EPHA3: variants seen among roughly 807,000 people sequenced by gnomAD.
The protein encoded by EPHA3 is EPH receptor A3, also known as ephrin type-A receptor 3.
Under a neutral mutation model 107.1 loss-of-function variants are expected in EPHA3, and 42 were observed. The ratio of observed to expected loss-of-function variants is 0.39; its 90% CI spans 0.31 to 0.51. EPHA3 has a LOEUF of 0.51. Ranked by LOEUF, EPHA3 falls within the 20% of genes least tolerant of loss-of-function variation. EPHA3 has a pLI of 0.78. For missense variants in EPHA3, 1,183 were observed against 1,211.2 expected (o/e 0.98, Z 0.35); for synonymous variants, 461 against 424.8 (o/e 1.09, Z -1.05).
intron 2 of EPHA3, among the ~76,000 whole-genome samples, chr3:89,180,832 G>A (rs1391099290): frequency 6.6e-6 from 1 of 151,852 alleles, no homozygotes; most frequent in African/African-American, 2.4e-5. Context: ...AGTGCATATG[G>A]GACTACTCTG....
At chr3:89,173,982 T>C (rs982487688) in intron 2 of EPHA3, among the ~76,000 whole-genome samples, 1 of 151,952 alleles carries the variant, frequency 6.6e-6, no homozygotes, top group African/African-American at 2.4e-5. Context: ...CACGTGTGTC[T>C]TTTGGGACAT....
At chr3:89,310,579 C>T (rs1706741443) in intron 3 of EPHA3, among the ~76,000 whole-genome samples, 1 of 151,620 alleles carries the variant, frequency 6.6e-6, no homozygotes, top group Non-Finnish European at 1.5e-5. Context: ...ACCTATTCAC[C>T]TCTCCAAAAA....
At chr3:89,265,279 T>A (rs17800347) in intron 3 of EPHA3, among the ~76,000 whole-genome samples, 1 of 151,968 alleles carries the variant, frequency 6.6e-6, no homozygotes, top group African/African-American at 2.4e-5. Context: ...TATTTAGAGA[T>A]GCATCAAGAA....
intron 15 of EPHA3, among the ~76,000 whole-genome samples, chr3:89,457,705 G>A (rs1710127513): frequency 6.6e-6 from 1 of 152,194 alleles, no homozygotes. Context: ...GGGAGACACT[G>A]AAGTTACTGA....
chr3:89,196,612 A>G (rs1231300795), intron 2 of EPHA3, among the ~76,000 whole-genome samples: 2 of 148,140 alleles, frequency 1.4e-5, no homozygotes, highest in African/African-American at 2.7e-5. Context: ...GCCTTTTTCC[A>G]TATCATTTCA....
intron 15 of EPHA3, among the ~76,000 whole-genome samples, chr3:89,460,923 C>T (rs201843797): frequency 0.016 from 2,034 of 124,728 alleles, 56 homozygotes; most frequent in Admixed American, 0.15. Context: ...TGCGCTGCAC[C>T]CACTAATGTG....
At chr3:89,121,975 A>T (rs1707400622) in intron 1 of EPHA3, among the ~76,000 whole-genome samples, 1 of 152,184 alleles carries the variant, frequency 6.6e-6, no homozygotes, top group African/African-American at 2.4e-5. Context: ...CTATCAGAAA[A>T]TATAGGTCGA....
At chr3:89,468,538 G>A (rs1276032369) in intron 15 of EPHA3, among the ~76,000 whole-genome samples, 1 of 152,140 alleles carries the variant, frequency 6.6e-6, no homozygotes, top group African/African-American at 2.4e-5. Context: ...AAATAAAAAA[G>A]TATTACTATT....
intron 7 of EPHA3, chr3:89,399,764 T>G: frequency 8.6e-7 from 1 of 1,167,130 alleles, no homozygotes; most frequent in Middle Eastern, 3.5e-4. Context: ...TTGAGGAACA[T>G]TATTTAATAT....
intron 3 of EPHA3, among the ~76,000 whole-genome samples, chr3:89,332,437 C>T (rs1268211222): frequency 6.6e-6 from 1 of 152,020 alleles, no homozygotes; most frequent in Non-Finnish European, 1.5e-5. Context: ...TGGCATTTTG[C>T]CTTAGGCCTT....
intron 2 of EPHA3, among the ~76,000 whole-genome samples, chr3:89,200,602 G>A (rs1705946277): frequency 6.6e-6 from 1 of 152,190 alleles, no homozygotes; most frequent in Non-Finnish European, 1.5e-5. Flanking sequence ...AAATGAGGCA[G>A]AGACACATTG....
In EPHA3 at chr3:89,219,688, G is replaced by GTGTTTTT; in HGVS notation, c.814+9169_814+9170insGTTTTTT. Among the ~76,000 whole-genome samples the GTGTTTTT allele has an allele frequency of 6.7e-3, 231 of 34,434 alleles. 75 individuals carry two copies. The highest frequency in any genetic ancestry group is 0.01 in the Non-Finnish European group (196 of 19,118). The allele number at this position is 34,434 out of a possible 152,430, so 22.6% of individuals were successfully genotyped here. A position where few individuals can be genotyped will look rare whatever the true frequency, so the allele number is the denominator to read the frequency against. On this transcript the variant is annotated intron_variant, in intron 3 of 16. Transcript: ENST00000336596. ...TTACCTCCAAGAGGCATTTGGCAAT[G>GTGTTTTT]TTTTTTTTTTTTTTGTTTTTTGTTT... is the stretch of plus-strand genomic sequence containing the variant.
intron 5 of EPHA3, among the ~76,000 whole-genome samples, chr3:89,383,815 A>AT (rs1209293843): frequency 6.6e-6 from 1 of 151,126 alleles, no homozygotes; most frequent in Non-Finnish European, 1.5e-5. Flanking sequence ...CGCCCGGCTA[A>AT]TTTTTTGTAT....
chr3:89,356,731 A>G (rs1267036965), intron 5 of EPHA3, among the ~76,000 whole-genome samples: 1 of 151,202 alleles, frequency 6.6e-6, no homozygotes, highest in African/African-American at 2.4e-5. Context: ...TGCCCTACAT[A>G]GGATGTAATG....
intron 5 of EPHA3, among the ~76,000 whole-genome samples, chr3:89,373,637 C>A (rs1356551636): frequency 6.6e-6 from 1 of 151,766 alleles, no homozygotes; most frequent in Non-Finnish European, 1.5e-5. Context: ...CATCACCCTG[C>A]TGTGAATGAG....
rs148329292 is a variant in EPHA3, at chr3:89,247,978, T to C, written c.814+37458T>C. ...CTTTGTCTATTGTTTATGATACATA[T>C]ATTTAATTTACCCTTTCTACTTGTC... On this transcript the variant is annotated intron_variant, in intron 3 of 16. Transcript: ENST00000336596. 1.9e-3 allele frequency among the ~76,000 whole-genome samples: 290 copies of C among 152,284 alleles called. 3 individuals carry two copies. The East Asian group carries it at 0.046, about 24-fold the overall frequency.
chr3:89,386,806 C>T (rs1708632236), intron 5 of EPHA3, among the ~76,000 whole-genome samples: 1 of 152,230 alleles, frequency 6.6e-6, no homozygotes, highest in Non-Finnish European at 1.5e-5. Flanking sequence ...GAGCCCATCT[C>T]TTGCATCAGC....
At chr3:89,456,984 T>TA (rs1710110247) in intron 15 of EPHA3, among the ~76,000 whole-genome samples, 2 of 152,322 alleles carry the variant, frequency 1.3e-5, no homozygotes, top group East Asian at 1.9e-4. Flanking sequence ...AACACTATAA[T>TA]ACCCCTCAGA....
At chr3:89,345,955 T>C (rs1707641774) in intron 5 of EPHA3, among the ~76,000 whole-genome samples, 1 of 148,134 alleles carries the variant, frequency 6.8e-6, no homozygotes, top group South Asian at 2.1e-4. Flanking sequence ...CTCATCATTT[T>C]TTATGGCTGC....
Sources: allele counts gnomAD v4.1 joint callset (sites outside exome capture counted in the v4.1 genomes callset), GRCh38; gene constraint gnomAD v4.1.1; transcripts MANE v1.5; gene names NCBI Gene and HGNC (gene_info 2026-07-23, HGNC 2026-07-21).